The following DLGAP2 variants were observed in gnomAD, a reference collection of about 807,000 sequenced individuals.
The protein encoded by DLGAP2 is disks large-associated protein 2.
Under a neutral mutation model 100.3 loss-of-function variants are expected in DLGAP2, and 26 were observed. The observed-to-expected ratio is 0.26, with a 90% CI of 0.19 to 0.36. The LOEUF is 0.36. DLGAP2 is among the 10% of genes least tolerant of loss of function. The pLI is 1.00. For synonymous variants in DLGAP2, 886 were observed against 630.1 expected (o/e 1.41, Z -6.08); for missense variants, 1,858 against 1,453.2 (o/e 1.28, Z -4.53).
At chr8:1,590,651 C>A (rs1015662019) in intron 6 of DLGAP2, among the ~76,000 whole-genome samples, 1 of 152,192 alleles carries the variant, frequency 6.6e-6, no homozygotes, top group Non-Finnish European at 1.5e-5. Flanking sequence ...TCTCAAATTC[C>A]ACTTTAATTT....
At chr8:1,495,902 C>T (rs1039457421) in intron 3 of DLGAP2, among the ~76,000 whole-genome samples, 6 of 152,182 alleles carry the variant, frequency 3.9e-5, no homozygotes, top group South Asian at 2.1e-4. Flanking sequence ...CACTGGGTGC[C>T]GGCGCCCAGC....
At chr8:790,614 A>G (rs1821999602) in intron 1 of DLGAP2, among the ~76,000 whole-genome samples, 1 of 152,176 alleles carries the variant, frequency 6.6e-6, no homozygotes. Context: ...TATTTCAGTA[A>G]AATAATATTT....
chr8:1,380,641 T>A (rs1001994202), intron 3 of DLGAP2, among the ~76,000 whole-genome samples: 1 of 152,198 alleles, frequency 6.6e-6, no homozygotes, highest in Admixed American at 6.5e-5. Context: ...AAATTGCTTC[T>A]GAAATTAAAA....
chr8:1,563,157 C>T (rs1487714152), intron 5 of DLGAP2, among the ~76,000 whole-genome samples: 17 of 53,304 alleles, frequency 3.2e-4, no homozygotes, highest in African/African-American at 5.3e-4. Context: ...TTGGGGTGTC[C>T]GCGCCTCGTT....
Position 1,043,240 on chromosome 8 carries a change from G to A in DLGAP2, c.73+135274G>A, listed in dbSNP as rs1421710597. On this transcript the variant is annotated intron_variant, in intron 2 of 14. Coordinates refer to ENST00000637795, the MANE Select transcript of DLGAP2 (RefSeq NM_001346810.2). ...TGTGGGTGGTGGATGTGGGTGGTGG[G>A]TGTGGGTGGTGGGTGTGGGTGGTGG... 4.0e-3 allele frequency among the ~76,000 whole-genome samples: 311 copies of A among 78,544 alleles called. 1 individual carries two copies. The highest frequency in any genetic ancestry group is 5.1e-3 in the Non-Finnish European group (186 of 36,480). The allele number at this position is 78,544 out of a possible 152,430, so 51.5% of individuals were successfully genotyped here.
chr8:1,656,558 G>C (rs956947748), intron 8 of DLGAP2, among the ~76,000 whole-genome samples: 1 of 152,112 alleles, frequency 6.6e-6, no homozygotes, highest in African/African-American at 2.4e-5. Flanking sequence ...TTTCAGAAGG[G>C]GTTTGCAAAT....
At chr8:1,408,707 C>T (rs193195150) in intron 3 of DLGAP2, among the ~76,000 whole-genome samples, 2 of 152,258 alleles carry the variant, frequency 1.3e-5, no homozygotes, top group East Asian at 1.9e-4. Flanking sequence ...TTTCACAGGA[C>T]AGTGCAGAGG....
intron 3 of DLGAP2, among the ~76,000 whole-genome samples, chr8:1,359,177 C>T (rs78261460): frequency 0.029 from 4,476 of 152,226 alleles, 230 homozygotes; most frequent in African/African-American, 0.1. Flanking sequence ...GAAAGGAGGG[C>T]CCAGGACACC....
intron 2 of DLGAP2, among the ~76,000 whole-genome samples, chr8:1,098,095 A>G (rs1414854207): frequency 1.3e-5 from 2 of 152,248 alleles, no homozygotes; most frequent in East Asian, 3.8e-4. Flanking sequence ...TTGCAACGCA[A>G]TTCTGCTCTC....
chr8:1,318,273 C>T (rs1410264852), intron 3 of DLGAP2, among the ~76,000 whole-genome samples: 8 of 152,144 alleles, frequency 5.3e-5, no homozygotes, highest in Admixed American at 5.2e-4. Context: ...GTGGCAACAA[C>T]ATGAAATAAA....
rs529744808 is a variant in DLGAP2 at position 738,101 on chromosome 8, G to C, written c.18+276G>C. 1,692 of 253,552 alleles carry C rather than the reference G, an allele frequency of 6.7e-3. 27 individuals are homozygous for C. The highest frequency in any genetic ancestry group is 0.035 in the African/African-American group (1,547 of 44,110). The allele number at this position is 253,552 out of a possible 1,614,324, so 15.7% of individuals were successfully genotyped here. A position where few individuals can be genotyped will look rare whatever the true frequency, so the allele number is the denominator to read the frequency against. On this transcript the variant is annotated intron_variant, in intron 1 of 14. Transcript: ENST00000637795. The stretch of plus-strand genomic sequence containing the variant: ...GACCCTGGGCTCCGGGGGTGCGGGA[G>C]CGCACGGGGCCGCGGAGGTGTGAAA...
intron 2 of DLGAP2, among the ~76,000 whole-genome samples, chr8:990,370 C>A (rs1211389180): frequency 2.6e-5 from 3 of 115,216 alleles, no homozygotes; most frequent in African/African-American, 9.8e-5. Flanking sequence ...CCCGGACCCC[C>A]TGCACCCCCA....
At chr8:998,031 A>G (rs1455614430) in intron 2 of DLGAP2, among the ~76,000 whole-genome samples, 2 of 152,204 alleles carry the variant, frequency 1.3e-5, no homozygotes, top group African/African-American at 4.8e-5. Context: ...AAACATGCAT[A>G]AACATGTGCA....
At chr8:1,686,622 C>A (rs886907234) in intron 12 of DLGAP2, among the ~76,000 whole-genome samples, 2 of 151,794 alleles carry the variant, frequency 1.3e-5, no homozygotes, top group African/African-American at 4.8e-5. Context: ...TGCAGTGAAC[C>A]AAGATCACGC....
At chr8:1,376,363 G>C (rs548347196) in intron 3 of DLGAP2, among the ~76,000 whole-genome samples, 26 of 152,312 alleles carry the variant, frequency 1.7e-4, no homozygotes, top group African/African-American at 6.0e-4. Context: ...AGAGAGCATC[G>C]GCCACGGGGG....
At position 1,317,571 on chromosome 8, in the gene DLGAP2, C is replaced by A. The variant is rs1229356363; in HGVS notation, c.106+58688C>A. ...CTCCAACAGTGGTCTACACTCGAGACACTCGGCAGCGTTTAAAAATACAGG... is the reference window on the plus strand; with the variant it reads ...CTCCAACAGTGGTCTACACTCGAGAAACTCGGCAGCGTTTAAAAATACAGG... On this transcript the variant is annotated intron_variant, in intron 3 of 14. Transcript: ENST00000637795. Among the ~76,000 whole-genome samples, 27 of 126,720 alleles carry A rather than the reference C, an allele frequency of 2.1e-4. 1 individual carries two copies. Among genetic ancestry groups the A allele is most frequent in the East Asian group, 1.6e-3 (7 of 4,308 alleles). The allele number at this position is 126,720 out of a possible 152,430, so 83.1% of individuals were successfully genotyped here.
intron 3 of DLGAP2, among the ~76,000 whole-genome samples, chr8:1,265,119 A>T (rs1014584338): frequency 6.6e-6 from 1 of 152,202 alleles, no homozygotes; most frequent in Non-Finnish European, 1.5e-5. Flanking sequence ...TAGTACAGGG[A>T]ATAAGAAGAT....
intron 2 of DLGAP2, among the ~76,000 whole-genome samples, chr8:993,787 CTTTTTTTTTT>C (rs534659471): frequency 1.6e-5 from 1 of 64,160 alleles, no homozygotes; most frequent in Non-Finnish European, 2.7e-5. Context: ...AACTGATTGG[CTTTTTTTTTT>C]TTTTTTTTTT....
At chr8:1,222,526 G>T (rs561243151) in intron 2 of DLGAP2, among the ~76,000 whole-genome samples, 17 of 152,254 alleles carry the variant, frequency 1.1e-4, no homozygotes, top group African/African-American at 4.1e-4. Flanking sequence ...AAGTGCTCTT[G>T]CAGAGTGATG....
Sources: allele counts gnomAD v4.1 joint callset (sites outside exome capture counted in the v4.1 genomes callset), GRCh38; gene constraint gnomAD v4.1.1; transcripts MANE v1.5; gene names NCBI Gene and HGNC (gene_info 2026-07-23, HGNC 2026-07-21).